Variants in EPHA6 observed in about 807,000 individuals in gnomAD.
The protein encoded by EPHA6 is EPH receptor A6, also known as ephrin type-A receptor 6.
In EPHA6, 50 loss-of-function variants were observed where a neutral mutation model predicts 112.0. That is an observed-to-expected ratio of 0.45 (90% CI 0.36 to 0.56). The LOEUF is 0.56. Among genes scored for constraint, EPHA6 ranks in the 20% least tolerant of loss-of-function variants. EPHA6 has a pLI of 0.00. For missense variants in EPHA6, 1,280 were observed against 1,417.4 expected (o/e 0.90, Z 1.56); for synonymous variants, 529 against 490.7 (o/e 1.08, Z -1.03).
Position 97,736,470 on chromosome 3 carries a change from A to AGAGT in EPHA6, c.3128+353_3128+354insAGTG, listed in dbSNP as rs576699039. ...AGTAGAGAGAGAGAGAGAGAGAGAG[A>AGAGT]GTGTGTGTGTGTGTGTGTGTGTGTG... On this transcript the variant is annotated intron_variant, in intron 16 of 17. Transcript: ENST00000389672. Among the ~76,000 whole-genome samples, 1,034 of 118,818 alleles carry AGAGT rather than the reference A, an allele frequency of 8.7e-3. 14 individuals are homozygous for AGAGT. Among genetic ancestry groups the AGAGT allele is most frequent in the Admixed American group, 0.036 (418 of 11,568 alleles). The allele number at this position is 118,818 out of a possible 152,430, so 77.9% of individuals were successfully genotyped here. A position where few individuals can be genotyped will look rare whatever the true frequency, so the allele number is the denominator to read the frequency against.
intron 3 of EPHA6, among the ~76,000 whole-genome samples, chr3:97,170,518 C>T (rs898011623): frequency 1.3e-5 from 2 of 152,040 alleles, no homozygotes; most frequent in East Asian, 1.9e-4. Context: ...GGACAGACCA[C>T]CTGAGGTCAG....
chr3:96,835,310 G>A (rs2034340337), intron 1 of EPHA6, among the ~76,000 whole-genome samples: 2 of 152,092 alleles, frequency 1.3e-5, no homozygotes, highest in South Asian at 2.1e-4. Context: ...ATGAAAGTAT[G>A]TACAGCTTAT....
At chr3:97,118,212 T>C (rs1233387956) in intron 3 of EPHA6, among the ~76,000 whole-genome samples, 2 of 151,868 alleles carry the variant, frequency 1.3e-5, no homozygotes, top group Admixed American at 1.3e-4. Flanking sequence ...TTTCAGAGAA[T>C]CTGTCAACTT....
rs1218490781 is a variant in EPHA6 at position 97,013,234 on chromosome 3, T to C, written c.1114+25241T>C. 2.6e-5 allele frequency among the ~76,000 whole-genome samples: 4 copies of C among 152,176 alleles called. No individual in the cohort carries two copies. The East Asian group carries it at 7.7e-4, about 29-fold the overall frequency. ...CTACGATTGTTGTAGTGTGAGGTCTTATATAAATGTGCTTGTTTAAAAAAG... is the reference window on the plus strand; with the variant it reads ...CTACGATTGTTGTAGTGTGAGGTCTCATATAAATGTGCTTGTTTAAAAAAG... On this transcript the variant is annotated intron_variant, in intron 3 of 17. Coordinates refer to ENST00000389672, the MANE Select transcript of EPHA6 (RefSeq NM_001080448.3).
intron 6 of EPHA6, among the ~76,000 whole-genome samples, chr3:97,431,939 C>A (rs534548864): frequency 2.0e-5 from 3 of 152,202 alleles, no homozygotes; most frequent in Middle Eastern, 3.4e-3. Flanking sequence ...TTCCAAATCA[C>A]TATTTTTTAC....
At chr3:97,552,526 G>T (rs944602542) in intron 11 of EPHA6, among the ~76,000 whole-genome samples, 1 of 152,118 alleles carries the variant, frequency 6.6e-6, no homozygotes, top group Non-Finnish European at 1.5e-5. Flanking sequence ...AGTGTATTTT[G>T]TATGTGTTAA....
chr3:97,310,029 A>T (rs1408951948), intron 5 of EPHA6, among the ~76,000 whole-genome samples: 6 of 151,648 alleles, frequency 4.0e-5, no homozygotes, highest in Non-Finnish European at 8.9e-5. Flanking sequence ...TATCCTAAAG[A>T]TTCATTAATA....
At chr3:97,361,500 T>C (rs948424967) in intron 5 of EPHA6, among the ~76,000 whole-genome samples, 2 of 152,168 alleles carry the variant, frequency 1.3e-5, no homozygotes, top group African/African-American at 4.8e-5. Context: ...AACTGGGCAA[T>C]TTAAAAAGAA....
At chr3:97,567,949 T>A (rs1284377784) in intron 11 of EPHA6, among the ~76,000 whole-genome samples, 1 of 152,156 alleles carries the variant, frequency 6.6e-6, no homozygotes, top group Non-Finnish European at 1.5e-5. Context: ...TTTAATAATT[T>A]TGGTGGGCTT....
chr3:97,259,306 A>AT (rs1029593821), intron 5 of EPHA6, among the ~76,000 whole-genome samples: 54 of 151,842 alleles, frequency 3.6e-4, no homozygotes, highest in African/African-American at 1.1e-3. Flanking sequence ...TCTTCTCTGC[A>AT]TTTTTTTCAC....
intron 3 of EPHA6, among the ~76,000 whole-genome samples, chr3:97,093,746 C>T (rs141304027): frequency 6.6e-6 from 1 of 152,176 alleles, no homozygotes; most frequent in East Asian, 1.9e-4. Flanking sequence ...CCTTCTCCGT[C>T]TCTTTAGGGT....
At chr3:97,617,649 A>G (rs139033142) in intron 13 of EPHA6, among the ~76,000 whole-genome samples, 1 of 152,306 alleles carries the variant, frequency 6.6e-6, no homozygotes, top group African/African-American at 2.4e-5. Context: ...TTGACAAAAC[A>G]GACTTTAAAC....
At chr3:97,351,162 A>G (rs1219766072) in intron 5 of EPHA6, among the ~76,000 whole-genome samples, 1 of 152,192 alleles carries the variant, frequency 6.6e-6, no homozygotes, top group African/African-American at 2.4e-5. Flanking sequence ...CCAAAGTGCA[A>G]TTTGTCGATT....
chr3:97,231,681 T>C (rs1282621832), intron 4 of EPHA6, among the ~76,000 whole-genome samples: 1 of 152,130 alleles, frequency 6.6e-6, no homozygotes, highest in Non-Finnish European at 1.5e-5. Context: ...AAAGTTCCTC[T>C]GAGGTCTGAG....
rs554757867 is a variant in EPHA6 at position 97,499,937 on chromosome 3, A to ATAAT, written c.2200+15879_2200+15882dup. 6.5e-3 allele frequency among the ~76,000 whole-genome samples: 993 copies of ATAAT among 152,240 alleles called. 12 individuals carry two copies. Among genetic ancestry groups the ATAAT allele is most frequent in the African/African-American group, 0.022 (913 of 41,572 alleles). Reference sequence around the variant, plus strand: ...ATAAAATACAAATATTTTTTCTTCAATAATAAATTTTATTTTATAAACTTT... The same window carrying ATAAT: ...ATAAAATACAAATATTTTTTCTTCAATAATTAATAAATTTTATTTTATAAACTTT... On this transcript the variant is annotated intron_variant, in intron 10 of 17. Transcript: ENST00000389672.
At chr3:97,404,900 G>C (rs1035829121) in intron 5 of EPHA6, among the ~76,000 whole-genome samples, 1 of 152,098 alleles carries the variant, frequency 6.6e-6, no homozygotes, top group African/African-American at 2.4e-5. Context: ...TACCAAAGAT[G>C]ATGAGTTCTG....
intron 11 of EPHA6, among the ~76,000 whole-genome samples, chr3:97,549,234 C>G (rs1053677014): frequency 6.6e-6 from 1 of 152,112 alleles, no homozygotes; most frequent in Admixed American, 6.6e-5. Context: ...TGTTTACTGC[C>G]TCTTGTTTAC....
intron 5 of EPHA6, among the ~76,000 whole-genome samples, chr3:97,353,963 G>A (rs184939151): frequency 1.4e-3 from 210 of 152,252 alleles, no homozygotes; most frequent in African/African-American, 5.0e-3. Flanking sequence ...GAAAGTAAGG[G>A]AAGAGAACAA....
intron 2 of EPHA6, among the ~76,000 whole-genome samples, chr3:96,910,182 ATT>A (rs1221088852): frequency 1.3e-5 from 2 of 152,088 alleles, no homozygotes; most frequent in East Asian, 3.9e-4. Flanking sequence ...AAGACAGGGC[ATT>A]GTGTTATGGT....
Sources: gnomAD v4.1 joint callset for allele counts (sites outside exome capture counted in the v4.1 genomes callset) on GRCh38, gnomAD v4.1.1 for gene constraint, MANE v1.5 for transcripts, NCBI Gene and HGNC (gene_info 2026-07-23, HGNC 2026-07-21) for gene names.